SERPINB8: variants seen among roughly 807,000 people sequenced by gnomAD.
SERPINB8 encodes serpin B8.
Under a neutral mutation model 35.3 loss-of-function variants are expected in SERPINB8, and 25 were observed. The ratio of observed to expected loss-of-function variants is 0.71; its 90% CI spans 0.52 to 0.99. The LOEUF (loss-of-function observed/expected upper bound fraction) is 0.99, where lower values mean the gene tolerates loss of function less well. Among genes scored for constraint, SERPINB8 ranks in the 50% least tolerant of loss-of-function variants. The pLI, the probability that SERPINB8 is intolerant of heterozygous loss-of-function variation, is 0.00. For synonymous variants in SERPINB8, 186 were observed against 160.8 expected, an observed-to-expected ratio of 1.16 and a Z score of -1.19; for missense variants, 484 against 446.5, an observed-to-expected ratio of 1.08 and a Z score of -0.76.
In SERPINB8 at chr18:63,979,881, G is replaced by C; in HGVS notation, c.249G>C (p.Gln83His). Residue 83 changes from glutamine to histidine, a missense_variant, in exon 3 of 7, where the codon CAG (glutamine) becomes CAC (histidine). By Grantham distance (24) the Gln-to-His change is conservative (BLOSUM62 0). Coordinates refer to ENST00000397985, the MANE Select transcript of SERPINB8 (RefSeq NM_002640.4). ...LLSEVNRTGTQYLLRTANRLF... is the reference protein window; with the variant it reads ...LLSEVNRTGTHYLLRTANRLF... ...GTGAAGTTAACAGAACTGGCACTCA[G>C]TACTTGCTTAGAACTGCCAACAGAC... 1.9e-6 allele frequency: 3 copies of C among 1,614,132 alleles called. No individual in the cohort carries two copies. The highest frequency in any genetic ancestry group is 2.5e-6 in the Non-Finnish European group (3 of 1,179,992).
At chr18:64,004,590 A>G (rs1599167768) in intron 1 of SERPINB8, among the ~76,000 whole-genome samples, 1 of 152,208 alleles carries the variant, frequency 6.6e-6, no homozygotes, top group East Asian at 1.9e-4. Flanking sequence ...AGAGCTATGT[A>G]TATTATTTTA....
At position 63,987,303 on chromosome 18, in the gene SERPINB8, C is replaced by G. The variant is rs1327651963; in HGVS notation, c.*25C>G. 1.3e-6 allele frequency: 2 copies of G among 1,578,742 alleles called. No individual in the cohort carries two copies. Among genetic ancestry groups the G allele is most frequent in the Non-Finnish European group, 8.6e-7 (1 of 1,162,118 alleles). ...AAGAGGAGCAATTGCTGTACATACC[C>G]TCCTTTCCTTCTACCTATCTTGCCT... On this transcript the variant is annotated 3_prime_UTR_variant, in exon 7 of 7. Coordinates refer to ENST00000397985, the MANE Select transcript of SERPINB8 (RefSeq NM_002640.4).
chr18:63,972,375 A>G (rs2050498632), intron 1 of SERPINB8, among the ~76,000 whole-genome samples: 1 of 152,224 alleles, frequency 6.6e-6, no homozygotes, highest in African/African-American at 2.4e-5. Flanking sequence ...GTCCATGTCA[A>G]AAACTAAAGA....
downstream of SERPINB8, among the ~76,000 whole-genome samples, chr18:64,008,911 T>A (rs2050913125): frequency 6.6e-6 from 1 of 152,098 alleles, no homozygotes. Flanking sequence ...TGAGACGTGG[T>A]TATAATAACA....
chr18:63,999,647 T>G (rs1244512529), intron 1 of SERPINB8, among the ~76,000 whole-genome samples: 6 of 152,242 alleles, frequency 3.9e-5, no homozygotes, highest in African/African-American at 1.4e-4. Flanking sequence ...CCCAACCCGA[T>G]GTATACCTTT....
At chr18:64,004,890 G>GA in exon 2 of SERPINB8, 1 of 398,504 alleles carries the variant, frequency 2.5e-6, no homozygotes, top group Non-Finnish European at 4.4e-6. Context: ...TGTAAGTACA[G>GA]AAACATCAGA....
At chr18:63,980,371 A>G (rs1452419327) in intron 3 of SERPINB8, among the ~76,000 whole-genome samples, 2 of 152,232 alleles carry the variant, frequency 1.3e-5, no homozygotes, top group Non-Finnish European at 2.9e-5. Context: ...TGTTCATAAA[A>G]TTGAGGTTTT....
At chr18:63,974,764 G>A (rs1156694434) in intron 1 of SERPINB8, among the ~76,000 whole-genome samples, 1 of 152,114 alleles carries the variant, frequency 6.6e-6, no homozygotes, top group Non-Finnish European at 1.5e-5. Flanking sequence ...GGAACACCAG[G>A]AAGACAGGGG....
chr18:64,009,587 C>T (rs186314705), downstream of SERPINB8, among the ~76,000 whole-genome samples: 7 of 152,270 alleles, frequency 4.6e-5, no homozygotes, highest in East Asian at 3.9e-4. Flanking sequence ...ATTAGAGATC[C>T]GCAGGGAAAT....
chr18:63,973,827 T>C (rs2050534147), intron 1 of SERPINB8, among the ~76,000 whole-genome samples: 1 of 152,222 alleles, frequency 6.6e-6, no homozygotes, highest in African/African-American at 2.4e-5. Flanking sequence ...GAGGCCTCTG[T>C]TCTGCTCCAT....
At chr18:64,001,969 G>C (rs1185713729) in intron 1 of SERPINB8, among the ~76,000 whole-genome samples, 4 of 152,174 alleles carry the variant, frequency 2.6e-5, no homozygotes, top group Non-Finnish European at 5.9e-5. Flanking sequence ...TGTCCTGGAC[G>C]TGAAATGCTT....
At chr18:63,991,534 A>G (rs1429624488), downstream of SERPINB8, among the ~76,000 whole-genome samples, 1 of 151,910 alleles carries the variant, frequency 6.6e-6, no homozygotes, top group African/African-American at 2.4e-5. Flanking sequence ...ATATGGAAAT[A>G]TAATACAGGT....
chr18:63,985,922 G>T (rs1039008883), intron 6 of SERPINB8, among the ~76,000 whole-genome samples: 1 of 152,176 alleles, frequency 6.6e-6, no homozygotes, highest in Non-Finnish European at 1.5e-5. Flanking sequence ...TGATTCTCAT[G>T]ACATGGTAAA....
chr18:63,972,510 T>C (rs1220719344), intron 1 of SERPINB8, among the ~76,000 whole-genome samples: 10 of 152,136 alleles, frequency 6.6e-5, no homozygotes, highest in Admixed American at 3.9e-4. Context: ...TATTATACTT[T>C]AAGCTCTAGG....
At chr18:63,999,460 G>T in intron 1 of SERPINB8, among the ~76,000 whole-genome samples, 1 of 152,140 alleles carries the variant, frequency 6.6e-6, no homozygotes, top group East Asian at 1.9e-4. Flanking sequence ...CAACTGGGAA[G>T]AGGAGCCTGG....
At chr18:64,017,078 C>A (rs2050953925) in intron 7 of SERPINB8, among the ~76,000 whole-genome samples, 1 of 152,196 alleles carries the variant, frequency 6.6e-6, no homozygotes, top group Admixed American at 6.5e-5. Context: ...CTGCTTTAGT[C>A]TGAAGACTAG....
intron 1 of SERPINB8, among the ~76,000 whole-genome samples, chr18:63,974,276 G>T (rs2050544843): frequency 6.6e-6 from 1 of 152,110 alleles, no homozygotes; most frequent in African/African-American, 2.4e-5. Context: ...TAAGCTTCTG[G>T]GCAGTGATTA....
At chr18:63,973,092 T>C (rs1291251515) in intron 1 of SERPINB8, among the ~76,000 whole-genome samples, 3 of 152,210 alleles carry the variant, frequency 2.0e-5, no homozygotes, top group Admixed American at 6.5e-5. Context: ...GTTGAACTAG[T>C]TTACAGTCCT....
At chr18:64,017,003 TA>T (rs1334790397) in intron 7 of SERPINB8, among the ~76,000 whole-genome samples, 2 of 152,146 alleles carry the variant, frequency 1.3e-5, no homozygotes, top group Non-Finnish European at 2.9e-5. Context: ...CCATAGCCAA[TA>T]AAAAACCTGT....
Sources: gnomAD v4.1 joint callset for allele counts (sites outside exome capture counted in the v4.1 genomes callset) on GRCh38, gnomAD v4.1.1 for gene constraint, MANE v1.5 for transcripts, NCBI Gene and HGNC (gene_info 2026-07-23, HGNC 2026-07-21) for gene names.